Variants in PTN observed in about 807,000 individuals in gnomAD.
The protein encoded by PTN is heparin affin regulatory protein.
In PTN, 18 loss-of-function variants were observed where a neutral mutation model predicts 24.1. The observed-to-expected ratio is 0.75, with a 90% CI of 0.52 to 1.11. The LOEUF is 1.11. Among genes scored for constraint, PTN ranks in the 50% least tolerant of loss-of-function variants. The pLI, the probability that PTN is intolerant of heterozygous loss-of-function variation, is 0.00. For missense variants in PTN, 163 were observed against 198.8 expected (o/e 0.82, Z 1.08); for synonymous variants, 78 against 68.6 (o/e 1.14, Z -0.67).
At chr7:137,256,751 C>T (rs1808933242) in intron 1 of PTN, among the ~76,000 whole-genome samples, 1 of 152,080 alleles carries the variant, frequency 6.6e-6, no homozygotes, top group African/African-American at 2.4e-5. Context: ...CCGTTTTCCA[C>T]AATGGTTGAA....
rs181801032 is a variant in PTN at position 137,310,647 on chromosome 7, G to A, written c.-2+32792C>T. ...TCTCAATCTCCTGACCTCATGATCC[G>A]CCTGTCTCAGCCTCCCAAAGTGCTG... On this transcript the variant is annotated intron_variant, in intron 1 of 4. Transcript: ENST00000348225. 6.6e-5 allele frequency among the ~76,000 whole-genome samples: 10 copies of A among 151,918 alleles called. 1 individual carries two copies. The highest frequency in any genetic ancestry group is 3.4e-3 in the Middle Eastern group (1 of 294).
intron 4 of PTN, among the ~76,000 whole-genome samples, chr7:137,236,795 TGTA>T (rs1286867974): frequency 6.6e-6 from 1 of 152,146 alleles, no homozygotes; most frequent in African/African-American, 2.4e-5. Flanking sequence ...AGAAATGAAA[TGTA>T]GTATTATAAA....
intron 4 of PTN, among the ~76,000 whole-genome samples, chr7:137,230,154 T>G (rs993413989): frequency 4.6e-5 from 7 of 151,858 alleles, no homozygotes; most frequent in African/African-American, 9.7e-5. Flanking sequence ...TGTATAAAAG[T>G]TTCATAAAAC....
chr7:137,302,731 TA>T (rs1809826133), intron 1 of PTN, among the ~76,000 whole-genome samples: 1 of 152,016 alleles, frequency 6.6e-6, no homozygotes, highest in South Asian at 2.1e-4. Context: ...GCTGCTTTTA[TA>T]ATTTTAAGGC....
At chr7:137,230,337 T>G (rs185115226) in intron 4 of PTN, among the ~76,000 whole-genome samples, 37 of 151,940 alleles carry the variant, frequency 2.4e-4, no homozygotes, top group African/African-American at 8.7e-4. Flanking sequence ...AATTGACAAC[T>G]TGCTAAATAC....
At chr7:137,294,761 G>A (rs1369540656) in intron 1 of PTN, among the ~76,000 whole-genome samples, 1 of 152,158 alleles carries the variant, frequency 6.6e-6, no homozygotes, top group Non-Finnish European at 1.5e-5. Flanking sequence ...GGCAAATAAA[G>A]ATGTACGCCA....
At chr7:137,271,341 T>A (rs1809268394) in intron 1 of PTN, among the ~76,000 whole-genome samples, 1 of 152,188 alleles carries the variant, frequency 6.6e-6, no homozygotes, top group Non-Finnish European at 1.5e-5. Flanking sequence ...GGTAATATAG[T>A]AGAAAATCCG....
intron 4 of PTN, among the ~76,000 whole-genome samples, chr7:137,229,785 T>A (rs1365910015): frequency 6.6e-6 from 1 of 151,848 alleles, no homozygotes; most frequent in African/African-American, 2.4e-5. Context: ...ATGAGAGGTG[T>A]AATGACCAGA....
intron 1 of PTN, among the ~76,000 whole-genome samples, chr7:137,260,986 T>C (rs996303181): frequency 6.6e-6 from 1 of 152,180 alleles, no homozygotes; most frequent in African/African-American, 2.4e-5. Flanking sequence ...CATAAAGATA[T>C]ATAGGATAAA....
intron 1 of PTN, among the ~76,000 whole-genome samples, chr7:137,320,136 G>C (rs912971955): frequency 5.3e-5 from 8 of 152,156 alleles, no homozygotes; most frequent in African/African-American, 1.9e-4. Flanking sequence ...ATCCTCAATT[G>C]TGTGATTATT....
intron 1 of PTN, among the ~76,000 whole-genome samples, chr7:137,340,409 G>A (rs371560679): frequency 3.5e-4 from 53 of 152,196 alleles, no homozygotes; most frequent in South Asian, 8.3e-4. Flanking sequence ...AAACTATGCC[G>A]CACACTAGAC....
intron 1 of PTN, among the ~76,000 whole-genome samples, chr7:137,332,909 A>T: frequency 6.6e-6 from 1 of 152,336 alleles, no homozygotes; most frequent in East Asian, 1.9e-4. Flanking sequence ...ACATCAAATA[A>T]GAAAGCCATT....
intron 4 of PTN, among the ~76,000 whole-genome samples, chr7:137,236,481 T>C (rs1808523160): frequency 6.6e-6 from 1 of 152,158 alleles, no homozygotes; most frequent in Non-Finnish European, 1.5e-5. Context: ...CAGACACACA[T>C]ACACATACAC....
chr7:137,262,461 T>C (rs1809058768), intron 1 of PTN, among the ~76,000 whole-genome samples: 1 of 152,160 alleles, frequency 6.6e-6, no homozygotes, highest in Non-Finnish European at 1.5e-5. Flanking sequence ...TTTTACATTT[T>C]ATATTGTTTT....
intron 1 of PTN, among the ~76,000 whole-genome samples, chr7:137,330,387 T>G (rs1429250871): frequency 1.3e-5 from 2 of 152,060 alleles, no homozygotes; most frequent in Non-Finnish European, 2.9e-5. Flanking sequence ...CAACCTAAAC[T>G]TTTTTCTGAA....
intron 1 of PTN, among the ~76,000 whole-genome samples, chr7:137,303,929 C>CA (rs35629859): frequency 3.3e-5 from 5 of 151,996 alleles, no homozygotes; most frequent in Non-Finnish European, 5.9e-5. Context: ...CCACAACACA[C>CA]AAAAAAATTT....
intron 1 of PTN, among the ~76,000 whole-genome samples, chr7:137,278,949 A>AATAATAATAATAATG (rs1809417419): frequency 1.5e-5 from 1 of 65,190 alleles, no homozygotes; most frequent in South Asian, 6.2e-4. Context: ...TCAGAACAAT[A>AATAATAATAATAATG]ATAATAATAA....
chr7:137,276,156 G>T (rs1001361608), intron 1 of PTN, among the ~76,000 whole-genome samples: 2 of 152,128 alleles, frequency 1.3e-5, no homozygotes, highest in African/African-American at 4.8e-5. Flanking sequence ...GTCATACAAA[G>T]GTCAAACACC....
At chr7:137,333,711 C>G (rs1170334920) in intron 1 of PTN, among the ~76,000 whole-genome samples, 1 of 151,996 alleles carries the variant, frequency 6.6e-6, no homozygotes, top group Non-Finnish European at 1.5e-5. Flanking sequence ...CATATGGAAC[C>G]AAAAAAGAGC....
Sources: allele counts gnomAD v4.1 joint callset (sites outside exome capture counted in the v4.1 genomes callset), GRCh38; gene constraint gnomAD v4.1.1; transcripts MANE v1.5; gene names NCBI Gene and HGNC (gene_info 2026-07-23, HGNC 2026-07-21).